Variants in MOB3B observed in about 807,000 individuals in gnomAD.
MOB3B encodes MOB kinase activator-like 2B.
A neutral mutation model predicts 18.7 loss-of-function variants in MOB3B; 7 were observed. That is an observed-to-expected ratio of 0.37 (90% confidence interval 0.21 to 0.70). The LOEUF (loss-of-function observed/expected upper bound fraction) is 0.70. Among genes scored for constraint, MOB3B ranks in the 30% least tolerant of loss-of-function variants. The probability of loss-of-function intolerance (pLI) is 0.52; values close to 1 mark genes in which losing one functional copy is unlikely to be tolerated. For synonymous variants in MOB3B, 111 were observed against 99.9 expected (o/e 1.11, Z -0.66); for missense variants, 253 against 281.3 (o/e 0.90, Z 0.72).
At chr9:27,348,522 A>G (rs1180018775) in intron 3 of MOB3B, among the ~76,000 whole-genome samples, 1 of 152,002 alleles carries the variant, frequency 6.6e-6, no homozygotes, top group Non-Finnish European at 1.5e-5. Context: ...GCATAGTAGC[A>G]TGCACCTCTC....
rs1020029842 is a variant in MOB3B at position 27,331,116 on chromosome 9, A to C, written c.622-500T>G. 1.6e-4 allele frequency among the ~76,000 whole-genome samples: 24 copies of C among 152,224 alleles called. 1 individual carries two copies. Among genetic ancestry groups the C allele is most frequent in the Non-Finnish European group, 7.3e-5 (5 of 68,036 alleles). On this transcript the variant is annotated intron_variant, in intron 3 of 3. Transcript: ENST00000262244. Reference sequence around the variant, plus strand: ...AAGGATAAGTGGGTATAAGTCAAGAAAAGCAGGAAGGAGGACATTTTTAAA... The same window carrying C: ...AAGGATAAGTGGGTATAAGTCAAGACAAGCAGGAAGGAGGACATTTTTAAA...
At chr9:27,416,046 T>C (rs551668532) in intron 2 of MOB3B, among the ~76,000 whole-genome samples, 1 of 152,338 alleles carries the variant, frequency 6.6e-6, no homozygotes, top group South Asian at 2.1e-4. Context: ...TTGCAATATG[T>C]TTTTGTCCTC....
rs1240967796 is a variant in MOB3B at position 27,494,823 on chromosome 9, AT to A, written c.-199+34731del. 5.3e-5 allele frequency among the ~76,000 whole-genome samples: 8 copies of A among 152,194 alleles called. No homozygotes were observed. The East Asian group carries it at 7.7e-4, about 15-fold the overall frequency. On this transcript the variant is annotated intron_variant, in intron 1 of 3. Transcript: ENST00000262244. ...CCACCATGCCCTGCCAAGAACATAC[AT>A]TTGTAACAGTGCCACCCCTCCCCCT...
At chr9:27,482,936 G>T (rs1424822175) in intron 1 of MOB3B, among the ~76,000 whole-genome samples, 2 of 152,100 alleles carry the variant, frequency 1.3e-5, no homozygotes, top group African/African-American at 4.8e-5. Flanking sequence ...AGAGTATCTT[G>T]CCTTGAACAG....
chr9:27,510,602 G>C (rs1820128677), intron 1 of MOB3B, among the ~76,000 whole-genome samples: 1 of 152,164 alleles, frequency 6.6e-6, no homozygotes, highest in South Asian at 2.1e-4. Flanking sequence ...AACATATGCT[G>C]CAAGTCTAAA....
At chr9:27,389,886 C>T (rs781752391) in intron 2 of MOB3B, among the ~76,000 whole-genome samples, 1 of 152,172 alleles carries the variant, frequency 6.6e-6, no homozygotes, top group African/African-American at 2.4e-5. Context: ...CAGTCTTTCC[C>T]TCTTAATCCT....
chr9:27,416,202 T>C (rs1330368341), intron 2 of MOB3B, among the ~76,000 whole-genome samples: 4 of 152,140 alleles, frequency 2.6e-5, no homozygotes, highest in Non-Finnish European at 5.9e-5. Flanking sequence ...CAGTTAAGCA[T>C]AAAGATTTCC....
At chr9:27,430,663 A>C (rs2131422037) in intron 2 of MOB3B, among the ~76,000 whole-genome samples, 1 of 152,348 alleles carries the variant, frequency 6.6e-6, no homozygotes, top group Non-Finnish European at 1.5e-5. Flanking sequence ...AAGGTAAAAG[A>C]AGAATTCGTC....
chr9:27,496,187 C>T (rs189460679), intron 1 of MOB3B, among the ~76,000 whole-genome samples: 23 of 152,354 alleles, frequency 1.5e-4, no homozygotes, highest in Admixed American at 8.5e-4. Flanking sequence ...ACAATTAACT[C>T]ATGCTGTGTT....
At chr9:27,431,450 C>A (rs766232368) in intron 2 of MOB3B, among the ~76,000 whole-genome samples, 17 of 152,190 alleles carry the variant, frequency 1.1e-4, no homozygotes, top group Admixed American at 4.6e-4. Context: ...GGAGTCCAAT[C>A]CCACAAAAAG....
At chr9:27,377,282 T>A (rs1260209008) in intron 2 of MOB3B, among the ~76,000 whole-genome samples, 1 of 152,196 alleles carries the variant, frequency 6.6e-6, no homozygotes, top group East Asian at 1.9e-4. Flanking sequence ...GTTTCCTAAC[T>A]CTTTTCCAGG....
chr9:27,325,410 C>T lies in MOB3B; in HGVS notation c.*5177G>A, dbSNP rs1820695909. 4 of 151,992 alleles carry T rather than the reference C, an allele frequency of 2.6e-5. No homozygotes were observed. The South Asian group carries it at 8.3e-4, about 32-fold the overall frequency. 9.4% of individuals were successfully genotyped at this position (151,992 alleles called of 1,614,324 possible). On this transcript the variant is annotated 3_prime_UTR_variant, in exon 4 of 4. Transcript: ENST00000262244. ...TTTTCTGATGTATGTAAAAAAGATA[C>T]AGGAAAATTCTGAAATCAGATCACT...
rs551644387 is a variant in MOB3B at position 27,444,500 on chromosome 9, G to A, written c.418+10633C>T. 3.3e-5 allele frequency among the ~76,000 whole-genome samples: 5 copies of A among 152,214 alleles called. No homozygotes were observed. The East Asian group carries it at 9.7e-4, about 29-fold the overall frequency. ...TAAATAGGTACATATATGAAAAAGTGGGCCTAAATTTTTCTACTTGAAAAG... is the reference window on the plus strand; with the variant it reads ...TAAATAGGTACATATATGAAAAAGTAGGCCTAAATTTTTCTACTTGAAAAG... On this transcript the variant is annotated intron_variant, in intron 2 of 3. Coordinates refer to ENST00000262244, the MANE Select transcript of MOB3B (RefSeq NM_024761.5).
chr9:27,406,845 CTT>C (rs879366559), intron 2 of MOB3B, among the ~76,000 whole-genome samples: 1 of 143,910 alleles, frequency 6.9e-6, no homozygotes. Flanking sequence ...TTCTTTTTTT[CTT>C]TTTTTTTTTT....
chr9:27,460,479 G>C (rs1819269230), intron 1 of MOB3B, among the ~76,000 whole-genome samples: 2 of 152,200 alleles, frequency 1.3e-5, no homozygotes, highest in South Asian at 4.1e-4. Context: ...GATGTCTTTT[G>C]CCTCATTAGT....
intron 1 of MOB3B, among the ~76,000 whole-genome samples, chr9:27,518,923 AT>A (rs1358610498): frequency 6.6e-6 from 1 of 152,204 alleles, no homozygotes; most frequent in African/African-American, 2.4e-5. Flanking sequence ...AGAAAGACAC[AT>A]TTTTCTTCTG....
chr9:27,352,371 C>CAAAAAAA (rs372959856), intron 3 of MOB3B, among the ~76,000 whole-genome samples: 2 of 68,352 alleles, frequency 2.9e-5, no homozygotes. Flanking sequence ...GACCCTGTCT[C>CAAAAAAA]AAAAAAAAAA....
intron 3 of MOB3B, among the ~76,000 whole-genome samples, chr9:27,358,589 G>A (rs927388133): frequency 1.3e-5 from 2 of 152,186 alleles, no homozygotes; most frequent in Non-Finnish European, 2.9e-5. Context: ...GCTGCCCAAA[G>A]GCAGTTTTAC....
chr9:27,526,104 T>C (rs1194802379), intron 1 of MOB3B: 1 of 152,228 alleles, frequency 6.6e-6, no homozygotes, highest in African/African-American at 2.4e-5. Flanking sequence ...GTTCTGCCCT[T>C]GGAAGCCATT....
Sources: allele counts gnomAD v4.1 joint callset (sites outside exome capture counted in the v4.1 genomes callset), GRCh38; gene constraint gnomAD v4.1.1; transcripts MANE v1.5; gene names NCBI Gene and HGNC (gene_info 2026-07-23, HGNC 2026-07-21).